The following GPATCH2L variants were observed in gnomAD, a reference collection of about 807,000 sequenced individuals.
The protein encoded by GPATCH2L is G-patch domain containing 2 like.
Under a neutral mutation model 57.4 loss-of-function variants are expected in GPATCH2L, and 31 were observed. The ratio of observed to expected loss-of-function variants is 0.54; its 90% CI spans 0.41 to 0.73. The LOEUF is 0.73. GPATCH2L is among the 30% of genes least tolerant of loss of function. The pLI is 0.00. For missense variants in GPATCH2L, 481 were observed against 599.9 expected (o/e 0.80, Z 2.07); for synonymous variants, 199 against 210.7 (o/e 0.94, Z 0.48).
At chr14:76,220,582 A>C (rs999825353) in intron 1 of GPATCH2L, among the ~76,000 whole-genome samples, 31 of 152,346 alleles carry the variant, frequency 2.0e-4, no homozygotes, top group Middle Eastern at 3.4e-3. Context: ...AATGAATAAT[A>C]AATTTAACCT....
At chr14:76,225,787 A>G (rs1210798515) in intron 1 of GPATCH2L, among the ~76,000 whole-genome samples, 2 of 152,238 alleles carry the variant, frequency 1.3e-5, no homozygotes, top group East Asian at 1.9e-4. Context: ...TGATCCAATG[A>G]AATTATGGGC....
intron 3 of GPATCH2L, 68 bp from the exon 4 acceptor site, chr14:76,171,775 T>G: frequency 1.2e-6 from 1 of 855,326 alleles, no homozygotes; most frequent in Non-Finnish European, 1.8e-6. Flanking sequence ...TAAGAAATCA[T>G]CCCTCCCATT....
chr14:76,160,667 T>C (rs2139582168), intron 2 of GPATCH2L, among the ~76,000 whole-genome samples: 1 of 152,322 alleles, frequency 6.6e-6, no homozygotes, highest in South Asian at 2.1e-4. Context: ...TTTTCACATA[T>C]GCTCAAGACT....
At position 76,176,694 on chromosome 14, in the gene GPATCH2L, A is replaced by G; in HGVS notation, c.1052+4A>G. The G allele has an allele frequency of 6.3e-7, 1 of 1,592,006 alleles. No homozygotes were observed. Among genetic ancestry groups the G allele is most frequent in the Non-Finnish European group, 8.6e-7 (1 of 1,159,800 alleles). On this transcript the variant is annotated splice_donor_region_variant and intron_variant, in intron 6 of 9. Coordinates refer to ENST00000261530, the MANE Select transcript of GPATCH2L (RefSeq NM_017926.4). ...TTAGTGACCCTCGGCAGAAAGAGTA[A>G]GTGCTTATGTATTTACTGGCTGTGC...
At chr14:76,200,700 A>G (rs1165353648) in intron 9 of GPATCH2L, among the ~76,000 whole-genome samples, 3 of 152,198 alleles carry the variant, frequency 2.0e-5, no homozygotes, top group African/African-American at 7.2e-5. Context: ...TCTTGGGTAC[A>G]TGCCGATACT....
chr14:76,173,518 G>C (rs749011474), intron 4 of GPATCH2L, 28 bp from the exon 5 acceptor site: 10 of 1,488,452 alleles, frequency 6.7e-6, no homozygotes, highest in Non-Finnish European at 9.3e-6. Flanking sequence ...TCTGCATTCG[G>C]TATCTGAGGC....
downstream of GPATCH2L, among the ~76,000 whole-genome samples, chr14:76,219,141 T>C (rs956828195): frequency 6.6e-6 from 1 of 152,036 alleles, no homozygotes; most frequent in African/African-American, 2.4e-5. Flanking sequence ...CATTTCATCA[T>C]GGCAGTAGCA....
At chr14:76,182,363 GAAAAAA>G (rs3059799) in intron 8 of GPATCH2L, among the ~76,000 whole-genome samples, 2 of 85,624 alleles carry the variant, frequency 2.3e-5, no homozygotes, top group Non-Finnish European at 4.0e-5. Flanking sequence ...TCTCAGAAAA[GAAAAAA>G]AAAAAAAAAA....
rs948053873 is a variant in GPATCH2L at position 76,202,211 on chromosome 14, G to A, written c.*360G>A. ...GTAACTGCTTCTGCATACCTTTTGTGTAGAGCTTTTAATATCATTTGAGGA... is the reference window on the plus strand; with the variant it reads ...GTAACTGCTTCTGCATACCTTTTGTATAGAGCTTTTAATATCATTTGAGGA... On this transcript the variant is annotated 3_prime_UTR_variant, in exon 10 of 10. Transcript: ENST00000261530. 2 of 169,410 alleles carry A rather than the reference G, an allele frequency of 1.2e-5. No individual in the cohort carries two copies. The highest frequency in any genetic ancestry group is 4.8e-5 in the African/African-American group (2 of 41,830). The allele number at this position is 169,410 out of a possible 1,614,324, so 10.5% of individuals were successfully genotyped here. A position where few individuals can be genotyped will look rare whatever the true frequency, so the allele number is the denominator to read the frequency against.
chr14:76,233,051 A>C (rs945920340), intron 2 of GPATCH2L, among the ~76,000 whole-genome samples: 51 of 152,238 alleles, frequency 3.4e-4, no homozygotes, highest in African/African-American at 1.1e-3. Context: ...CCTGCAGCAG[A>C]GTACAAAGGC....
chr14:76,185,819 T>A (rs1481487177), intron 8 of GPATCH2L, among the ~76,000 whole-genome samples: 6 of 152,282 alleles, frequency 3.9e-5, no homozygotes, highest in Non-Finnish European at 2.9e-5. Flanking sequence ...TATACGTGTT[T>A]CTTAATGAAT....
At chr14:76,188,663 C>G (rs2039859231) in intron 8 of GPATCH2L, among the ~76,000 whole-genome samples, 1 of 151,932 alleles carries the variant, frequency 6.6e-6, no homozygotes, top group Admixed American at 6.6e-5. Context: ...GTTGTTTATT[C>G]ACTTTGTTGA....
chr14:76,232,460 C>T (rs533650250), intron 2 of GPATCH2L, among the ~76,000 whole-genome samples: 3 of 152,268 alleles, frequency 2.0e-5, no homozygotes, highest in East Asian at 1.9e-4. Context: ...CCACTGCCCC[C>T]GGCCCGTTTT....
chr14:76,234,424 G>A (rs1404559241), intron 2 of GPATCH2L: 1 of 152,206 alleles, frequency 6.6e-6, no homozygotes, highest in East Asian at 1.9e-4. Flanking sequence ...AATAGGATGT[G>A]GCAAAGGTGA....
At chr14:76,230,817 C>A (rs562833849) in intron 2 of GPATCH2L, among the ~76,000 whole-genome samples, 2 of 151,332 alleles carry the variant, frequency 1.3e-5, no homozygotes, top group Admixed American at 1.3e-4. Context: ...TTTTTATCAT[C>A]TCTGCACTTG....
chr14:76,195,845 T>G, intron 8 of GPATCH2L, 33 bp from the exon 9 acceptor site: 1 of 1,516,246 alleles, frequency 6.6e-7, no homozygotes, highest in Non-Finnish European at 9.2e-7. Flanking sequence ...AATTAAAAAG[T>G]TCAAACCATT....
At chr14:76,219,464 A>G (rs147441143) in intron 1 of GPATCH2L, among the ~76,000 whole-genome samples, 125 of 152,338 alleles carry the variant, frequency 8.2e-4, no homozygotes, top group African/African-American at 2.9e-3. Flanking sequence ...AACTAGTGCC[A>G]AGTATAAAGA....
At chr14:76,194,707 T>C (rs1384253739) in intron 8 of GPATCH2L, among the ~76,000 whole-genome samples, 1 of 152,004 alleles carries the variant, frequency 6.6e-6, no homozygotes, top group Non-Finnish European at 1.5e-5. Context: ...ATTAGGAGTT[T>C]ATCTGGTATA....
intron 8 of GPATCH2L, among the ~76,000 whole-genome samples, chr14:76,182,109 G>A (rs1361598314): frequency 6.6e-6 from 1 of 152,128 alleles, no homozygotes; most frequent in African/African-American, 2.4e-5. Context: ...TGTAATCCCA[G>A]CACTTTGGGA....
Sources: gnomAD v4.1 joint callset for allele counts (sites outside exome capture counted in the v4.1 genomes callset) on GRCh38, gnomAD v4.1.1 for gene constraint, MANE v1.5 for transcripts, NCBI Gene and HGNC (gene_info 2026-07-23, HGNC 2026-07-21) for gene names.